Variants in GAD1 observed in about 807,000 individuals in gnomAD.
GAD1 encodes 67 kDa glutamic acid decarboxylase.
A neutral mutation model predicts 75.2 loss-of-function variants in GAD1; 35 were observed. The ratio of observed to expected loss-of-function variants is 0.47; its 90% CI spans 0.36 to 0.62. The LOEUF is 0.62. Ranked by LOEUF, GAD1 falls within the 20% of genes least tolerant of loss-of-function variation. The probability of loss-of-function intolerance (pLI) is 0.00; values close to 1 mark genes in which losing one functional copy is unlikely to be tolerated. For missense variants in GAD1, 490 were observed against 758.5 expected (o/e 0.65, Z 4.16); for synonymous variants, 257 against 271.9 (o/e 0.95, Z 0.54).
intron 3 of GAD1, 114 bp downstream of exon 3, chr2:170,822,263 T>C: frequency 1.1e-6 from 1 of 902,966 alleles, no homozygotes. Flanking sequence ...TCTGATTTTC[T>C]AATGTAATTA....
intron 5 of GAD1, among the ~76,000 whole-genome samples, chr2:170,834,765 C>CTT (rs10930442): frequency 9.6e-5 from 13 of 135,264 alleles, no homozygotes; most frequent in Admixed American, 3.8e-4. Flanking sequence ...AATATTCATT[C>CTT]TTTTTTTTTT....
chr2:170,823,838 T>C (rs1177949833), intron 3 of GAD1, among the ~76,000 whole-genome samples: 2 of 152,148 alleles, frequency 1.3e-5, no homozygotes, highest in Non-Finnish European at 2.9e-5. Flanking sequence ...GACGGCTCCT[T>C]ACCAGCGGCG....
At chr2:170,842,117 T>G (rs938050672) in intron 6 of GAD1, among the ~76,000 whole-genome samples, 2 of 152,176 alleles carry the variant, frequency 1.3e-5, no homozygotes, top group Non-Finnish European at 2.9e-5. Flanking sequence ...AATGGCCATG[T>G]TCCTGGTCCT....
At chr2:170,830,858 T>C in intron 4 of GAD1, 92 bp from the exon 5 acceptor site, 1 of 1,523,132 alleles carries the variant, frequency 6.6e-7, no homozygotes, top group Non-Finnish European at 9.1e-7. Flanking sequence ...ATCAGGCCTA[T>C]ACAGATAGCA....
At chr2:170,834,961 G>A (rs1702335764) in intron 5 of GAD1, among the ~76,000 whole-genome samples, 1 of 151,762 alleles carries the variant, frequency 6.6e-6, no homozygotes, top group African/African-American at 2.4e-5. Flanking sequence ...TAGTAGAGAT[G>A]GGGTTTCACC....
rs141556024 is a variant in GAD1 at position 170,827,834 on chromosome 2, T to C, written c.146-1641T>C. ...ACAACAGGTGCTCAATAAGTACTTATAGAATTAAATGGCAACACAGAAGAT... is the reference window on the plus strand; with the variant it reads ...ACAACAGGTGCTCAATAAGTACTTACAGAATTAAATGGCAACACAGAAGAT... On this transcript the variant is annotated intron_variant, in intron 3 of 16. Transcript: ENST00000358196. 3.5e-3 allele frequency among the ~76,000 whole-genome samples: 528 copies of C among 152,306 alleles called. 5 individuals carry two copies. Among genetic ancestry groups the C allele is most frequent in the African/African-American group, 0.01 (432 of 41,550 alleles).
At chr2:170,831,594 A>ATGTGTGTGTGTGTGTGTGTG (rs370649454) in intron 5 of GAD1, among the ~76,000 whole-genome samples, 10 of 122,792 alleles carry the variant, frequency 8.1e-5, no homozygotes, top group African/African-American at 2.8e-4. Flanking sequence ...GTCTCTACAT[A>ATGTGTGTGTGTGTGTGTGTG]TGTGTGTGTG....
intron 6 of GAD1, among the ~76,000 whole-genome samples, chr2:170,840,724 TA>T (rs942910493): frequency 1.3e-4 from 18 of 141,474 alleles, no homozygotes; most frequent in Admixed American, 5.6e-4. Flanking sequence ...AAAAAAAAAT[TA>T]AAAAAAAAAC....
At chr2:170,849,182 C>T in intron 11 of GAD1, 104 bp from the exon 12 acceptor site, 1 of 977,460 alleles carries the variant, frequency 1.0e-6, no homozygotes, top group South Asian at 1.3e-5. Context: ...ATGTTTTTCA[C>T]CTTGTACTTT....
intron 5 of GAD1, among the ~76,000 whole-genome samples, chr2:170,834,297 G>T (rs1165880039): frequency 1.3e-5 from 2 of 152,186 alleles, no homozygotes; most frequent in Non-Finnish European, 2.9e-5. Flanking sequence ...CCCACAGGTA[G>T]CTACACACAG....
In GAD1 at chr2:170,818,736, G is replaced by A. The variant is rs761683604; in HGVS notation, c.82+63G>A. 1.3e-6 allele frequency: 2 copies of A among 1,503,802 alleles called. No individual in the cohort carries two copies. Among genetic ancestry groups the A allele is most frequent in the Non-Finnish European group, 9.3e-7 (1 of 1,079,442 alleles). 93.2% of individuals were successfully genotyped at this position (1,503,802 alleles called of 1,614,324 possible). ...GGGAAGATGGGGGCGCTGGGACGTC[G>A]GGAGGCTGAGCTGGCGGAAAGGGAA... On this transcript the variant is annotated intron_variant, in intron 2 of 16. Coordinates refer to ENST00000358196, the MANE Select transcript of GAD1 (RefSeq NM_000817.3). This position sits in a 1 kb window ranked among gnomAD's most constrained non-coding sequence, Gnocchi z 5.9.
rs557146811 is a variant in GAD1 at position 170,850,973 on chromosome 2, C to T, written c.1184+1623C>T. On this transcript the variant is annotated intron_variant, in intron 12 of 16. Transcript: ENST00000358196. ...AGGTTTCAGTGAACCGAGATCACGC[C>T]GCTGCACTCCCGCCTGAGTGACAGA... 7.9e-5 allele frequency among the ~76,000 whole-genome samples: 12 copies of T among 151,646 alleles called. No individual in the cohort carries two copies. The East Asian group carries it at 1.4e-3, about 17-fold the overall frequency.
chr2:170,823,092 C>A (rs1701933054), intron 3 of GAD1, among the ~76,000 whole-genome samples: 1 of 152,376 alleles, frequency 6.6e-6, no homozygotes, highest in South Asian at 2.1e-4. Context: ...GACTAAAATT[C>A]TCTAGCCTTA....
chr2:170,814,347 A>C (rs900962372), upstream of GAD1, among the ~76,000 whole-genome samples: 4 of 152,230 alleles, frequency 2.6e-5, no homozygotes, highest in Non-Finnish European at 5.9e-5. Flanking sequence ...CATGGGGACC[A>C]GAAGGACGGG....
At chr2:170,832,662 G>GCACACACACACACACACACACACA (rs1275912956) in intron 5 of GAD1, among the ~76,000 whole-genome samples, 1 of 128,458 alleles carries the variant, frequency 7.8e-6, no homozygotes, top group Non-Finnish European at 1.6e-5. Flanking sequence ...GCGCGCGCGC[G>GCACACACACACACACACACACACA]CGCACACACA....
chr2:170,828,180 T>C (rs201312623), intron 3 of GAD1, among the ~76,000 whole-genome samples: 2,471 of 43,574 alleles, frequency 0.057, 62 homozygotes, highest in East Asian at 0.13. Context: ...CGCCCTCCTC[T>C]CTCTGCTGTC....
intron 5 of GAD1, among the ~76,000 whole-genome samples, chr2:170,831,594 ATGTGTGTGTGTGTGTGTGTG>A (rs370649454): frequency 7.3e-5 from 9 of 122,804 alleles, no homozygotes; most frequent in East Asian, 2.3e-4. Context: ...GTCTCTACAT[ATGTGTGTGTGTGTGTGTGTG>A]TGTGTGTGTG....
intron 10 of GAD1, among the ~76,000 whole-genome samples, chr2:170,846,706 C>T (rs1702639893): frequency 1.3e-5 from 2 of 152,196 alleles, no homozygotes; most frequent in African/African-American, 4.8e-5. Flanking sequence ...TGGAGCTGAG[C>T]TTCACAAAAG....
intron 2 of GAD1, among the ~76,000 whole-genome samples, chr2:170,820,008 G>C (rs542266954): frequency 7.8e-4 from 119 of 152,308 alleles, no homozygotes; most frequent in African/African-American, 2.6e-3. Flanking sequence ...GGCCTCGGGA[G>C]AGTCGCCAGC....
Sources: gnomAD v4.1 joint callset for allele counts (sites outside exome capture counted in the v4.1 genomes callset) on GRCh38, gnomAD v4.1.1 for gene constraint, Gnocchi (gnomAD v3.1) non-coding constraint, MANE v1.5 for transcripts, NCBI Gene and HGNC (gene_info 2026-07-23, HGNC 2026-07-21) for gene names.